TMEM130: variants seen among roughly 807,000 people sequenced by gnomAD.
The protein encoded by TMEM130 is transmembrane protein 130.
TMEM130 carries 37 observed loss-of-function variants against 42.9 expected under a neutral mutation model. The observed-to-expected ratio is 0.86, with a 90% CI of 0.66 to 1.13. The LOEUF (loss-of-function observed/expected upper bound fraction) is 1.13, where lower values mean the gene tolerates loss of function less well. TMEM130 is among the 50% of genes most tolerant of loss of function. TMEM130 has a pLI of 0.00. For missense variants in TMEM130, 545 were observed against 562.6 expected (o/e 0.97, Z 0.32); for synonymous variants, 259 against 237.7 (o/e 1.09, Z -0.82).
chr7:98,860,717 G>A (rs1401721918), intron 2 of TMEM130, among the ~76,000 whole-genome samples: 3 of 151,998 alleles, frequency 2.0e-5, no homozygotes, highest in Non-Finnish European at 2.9e-5. Context: ...GGCCGAGGTT[G>A]GTGGATCACA....
chr7:98,865,616 TAAAA>T (rs1271617131), intron 1 of TMEM130, among the ~76,000 whole-genome samples: 3 of 152,008 alleles, frequency 2.0e-5, no homozygotes, highest in African/African-American at 7.2e-5. Context: ...CAAAAAAATT[TAAAA>T]AAAGAAAGGC....
chr7:98,861,146 A>G (rs1430845552), intron 2 of TMEM130, among the ~76,000 whole-genome samples: 1 of 151,218 alleles, frequency 6.6e-6, no homozygotes, highest in African/African-American at 2.4e-5. Flanking sequence ...CAACCTGACT[A>G]ACACAGTGAA....
intron 6 of TMEM130, 71 bp downstream of exon 6, chr7:98,851,350 G>A: frequency 6.7e-7 from 1 of 1,487,736 alleles, no homozygotes. Context: ...GAGCGTATTG[G>A]TGGTGGTGGC....
chr7:98,850,274 T>TATATATATATATATA (rs1491493786), intron 6 of TMEM130, among the ~76,000 whole-genome samples: 6 of 31,230 alleles, frequency 1.9e-4, no homozygotes, highest in Non-Finnish European at 3.1e-4. Context: ...TATATATATA[T>TATATATATATATATA]TTTTTTTTTT....
intron 2 of TMEM130, among the ~76,000 whole-genome samples, chr7:98,862,294 C>G (rs1028951049): frequency 2.9e-5 from 2 of 68,906 alleles, no homozygotes; most frequent in Non-Finnish European, 9.6e-5. Flanking sequence ...GAGACAGAGA[C>G]AGAAAGAGAC....
chr7:98,862,469 C>T (rs1794799722), intron 2 of TMEM130, among the ~76,000 whole-genome samples: 1 of 149,432 alleles, frequency 6.7e-6, no homozygotes, highest in East Asian at 2.0e-4. Flanking sequence ...ATGACTGGCC[C>T]CAAGACTACA....
rs782211412 is a variant in TMEM130 at position 98,848,290 on chromosome 7, G to T, written c.1120-82C>A. ...CGGGTCAATCACCCACCCACCAGGA[G>T]CCCCATCAGGTGGCCTTATGAGCTC... On this transcript the variant is annotated intron_variant, in intron 7 of 7. Transcript: ENST00000339375. 1.6e-5 allele frequency: 25 copies of T among 1,563,756 alleles called. 1 individual carries two copies. In the South Asian group the frequency reaches 2.7e-4, roughly 17 times the overall value.
intron 2 of TMEM130, 104 bp from the exon 3 acceptor site, chr7:98,860,442 C>T (rs1294994058): frequency 2.1e-5 from 26 of 1,216,076 alleles, no homozygotes; most frequent in Middle Eastern, 2.0e-4. Flanking sequence ...CTTCCCTGCC[C>T]GGACCTTCTG....
In TMEM130 at chr7:98,869,317, G is replaced by T; in HGVS notation, c.85+460C>A. On this transcript the variant is annotated intron_variant, in intron 1 of 7. Transcript: ENST00000339375. This position sits in a 1 kb window ranked among gnomAD's most constrained non-coding sequence, Gnocchi z 4.7. The stretch of plus-strand genomic sequence containing the variant: ...TCTCCCCAAAGCCAGCACCAACACG[G>T]TGGGAAACCCCTCTAGATGAGGCGA... The T allele has an allele frequency of 7.8e-7, 1 of 1,278,774 alleles. No individual in the cohort carries two copies. The highest frequency in any genetic ancestry group is 2.4e-5 in the Admixed American group (1 of 41,604). 79.2% of individuals were successfully genotyped at this position (1,278,774 alleles called of 1,614,324 possible).
At chr7:98,859,867 A>T (rs573878596) in intron 3 of TMEM130, among the ~76,000 whole-genome samples, 1 of 152,070 alleles carries the variant, frequency 6.6e-6, no homozygotes, top group African/African-American at 2.4e-5. Context: ...CCTGGCCAAC[A>T]TGGTGAAACC....
chr7:98,860,084 AT>A, intron 3 of TMEM130, 94 bp downstream of exon 3: 13 of 1,177,886 alleles, frequency 1.1e-5, no homozygotes, highest in Admixed American at 6.7e-5. Flanking sequence ...AAAAAAAAAA[AT>A]TAAAGGTGAA....
chr7:98,859,349 G>A (rs561506296), intron 3 of TMEM130, among the ~76,000 whole-genome samples: 4 of 152,166 alleles, frequency 2.6e-5, no homozygotes, highest in Admixed American at 6.5e-5. Context: ...GTTCTACCTC[G>A]TATCCACCAA....
Position 98,855,304 on chromosome 7 carries a change from C to T in TMEM130, c.739G>A (p.Val247Met), listed in dbSNP as rs781909108. 4 of 1,613,212 alleles carry T rather than the reference C, an allele frequency of 2.5e-6. No individual in the cohort carries two copies. The highest frequency in any genetic ancestry group is 1.7e-5 in the Admixed American group (1 of 59,892). The part of the protein sequence containing the change: ...KLQETLRGIQ[V>M]LGPTLIQTFQ... ...GTCTGAATTAGGGTGGGCCCCAACA[C>T]TTGGATGCCTCGAAGGGTTTCTGTA... Residue 247 changes from valine to methionine, a missense_variant, in exon 5 of 8, where the codon GTG becomes ATG. Transcript: ENST00000339375.
rs1794835450 is a variant in TMEM130, at chr7:98,863,458, A to G, written c.86-58T>C. On this transcript the variant is annotated intron_variant, in intron 1 of 7. Coordinates refer to ENST00000339375, the MANE Select transcript of TMEM130 (RefSeq NM_152913.3). ...AATGGTGTGTGGCAAGGAGCCCCAC[A>G]GCCACCTCTGGGCTGGCATCAACTA... 7 of 1,457,950 alleles carry G rather than the reference A, an allele frequency of 4.8e-6. No homozygotes were observed. The East Asian group carries it at 1.7e-4, about 35-fold the overall frequency. 90.3% of individuals were successfully genotyped at this position (1,457,950 alleles called of 1,614,324 possible).
Position 98,863,183 on chromosome 7 carries a change from C to A in TMEM130, c.303G>T (p.Gly101=). The change falls in exon 2 of 8, where the codon GGG becomes GGT. Residue 101 remains glycine (G), a synonymous_variant. Coordinates refer to ENST00000339375, the MANE Select transcript of TMEM130 (RefSeq NM_152913.3). ...TGACCCAGACAGAGACCGGGAATTC[C>A]CCGGGCACGTGGCCGACCACACGGA... ...STIRVVGHVP[G]EFPVSVWVTA... is the part of the protein sequence containing the mutation. The A allele has an allele frequency of 6.2e-7, 1 of 1,614,146 alleles. No individual in the cohort carries two copies. The highest frequency in any genetic ancestry group is 1.1e-5 in the South Asian group (1 of 91,090).
chr7:98,856,147 A>T lies in TMEM130; in HGVS notation c.588T>A (p.Tyr196Ter), dbSNP rs782784931. ...QMVTEDSVVY[Y>*]NYSIIGTFTV... is the part of the protein sequence containing the mutation. ...TGAAGGTCCCGATGATGGAATAGTT[A>T]TAATAGACCACGGAGTCTTCAGTCA... Residue 196 changes from tyrosine (Y) to a stop codon, truncating the protein, a stop_gained, in exon 4 of 8, where the codon TAT becomes TAA. Transcript: ENST00000339375. LOFTEE classifies it high-confidence loss of function. The T allele has an allele frequency of 6.2e-6, 10 of 1,614,006 alleles. No homozygotes were observed. The highest frequency in any genetic ancestry group is 8.5e-7 in the Non-Finnish European group (1 of 1,180,034).
At chr7:98,858,349 T>C (rs142801423) in intron 3 of TMEM130, among the ~76,000 whole-genome samples, 4,188 of 135,290 alleles carry the variant, frequency 0.031, 84 homozygotes, top group South Asian at 0.07. Flanking sequence ...AAGACCAGCC[T>C]GGCCAACATA....
rs550813905 is a variant in TMEM130 at position 98,852,677 on chromosome 7, CT to C, written c.804-1055del. On this transcript the variant is annotated intron_variant, in intron 5 of 7. Coordinates refer to ENST00000339375, the MANE Select transcript of TMEM130 (RefSeq NM_152913.3). ...TGGTGCGATCTCCGCTCACTGCAACCTTTGCCTCCTGGGTTCAAGTGAGTCT... is the reference window on the plus strand; with the variant it reads ...TGGTGCGATCTCCGCTCACTGCAACCTTGCCTCCTGGGTTCAAGTGAGTCT... 3.2e-4 allele frequency among the ~76,000 whole-genome samples: 48 copies of C among 152,216 alleles called. No individual in the cohort carries two copies. The East Asian group carries it at 8.7e-3, about 28-fold the overall frequency.
chr7:98,851,601 G>T lies in TMEM130; in HGVS notation c.826C>A (p.Arg276Ser), dbSNP rs370041271. ...LGSPPLTVCW[R>S]LKPECLPLEE... is the part of the protein sequence containing the mutation. ...AGCGGGAGGCACTCAGGCTTGAGAC[G>T]CCAGCACACAGTCAGAGGAGGGCTG... Residue 276 changes from arginine (R) to serine (S), a missense_variant, in exon 6 of 8, where the codon CGT becomes AGT. By Grantham distance (110) the Arg-to-Ser change is moderately radical. Transcript: ENST00000339375. The T allele has an allele frequency of 1.9e-6, 3 of 1,612,760 alleles. No homozygotes were observed. In the African/African-American group the frequency reaches 4.0e-5, roughly 22 times the overall value.
Sources: allele counts gnomAD v4.1 joint callset (sites outside exome capture counted in the v4.1 genomes callset), GRCh38; gene constraint gnomAD v4.1.1; non-coding constraint Gnocchi (gnomAD v3.1); transcripts MANE v1.5; gene names NCBI Gene and HGNC (gene_info 2026-07-23, HGNC 2026-07-21).